RAF1: variants seen among roughly 807,000 people sequenced by gnomAD.
The protein encoded by RAF1 is Raf-1 proto-oncogene, serine/threonine kinase.
A neutral mutation model predicts 81.1 loss-of-function variants in RAF1; 27 were observed. The ratio of observed to expected loss-of-function variants is 0.33; its 90% CI spans 0.25 to 0.46. The LOEUF (loss-of-function observed/expected upper bound fraction) is 0.46. RAF1 is among the 20% of genes least tolerant of loss of function. RAF1 has a pLI of 1.00. For synonymous variants in RAF1, 298 were observed against 294.0 expected, an observed-to-expected ratio of 1.01 and a Z score of -0.14; for missense variants, 598 against 826.0, an observed-to-expected ratio of 0.72 and a Z score of 3.38.
In RAF1 at chr3:12,606,280, T is replaced by A. The variant is rs757700986; in HGVS notation, c.601A>T (p.Ile201Phe). The change falls in exon 6 of 18, where the codon ATT becomes TTT. Residue 201 changes from isoleucine to phenylalanine, a missense_variant. Coordinates refer to ENST00000442415, the MANE Select transcript of RAF1 (RefSeq NM_001354689.3). ...AGTGCTGGGACTCCACTATCACCAA[T>A]AGTGGAATTTGGAAACAATCTAAAC... is the stretch of plus-strand genomic sequence containing the variant. 6.2e-7 allele frequency: 1 copy of A among 1,613,026 alleles called. No homozygotes were observed. The highest frequency in any genetic ancestry group is 2.2e-5 in the East Asian group (1 of 44,860).
intron 11 of RAF1, among the ~76,000 whole-genome samples, chr3:12,594,224 G>A (rs1353123026): frequency 6.6e-6 from 1 of 152,130 alleles, no homozygotes; most frequent in Non-Finnish European, 1.5e-5. Flanking sequence ...ATCCTGTGAA[G>A]GTAAACTGAC....
intron 1 of RAF1, among the ~76,000 whole-genome samples, chr3:12,642,720 A>ACACACACACACACAC (rs2060231024): frequency 2.1e-5 from 3 of 145,396 alleles, no homozygotes; most frequent in African/African-American, 5.1e-5. Flanking sequence ...ACACACACAC[A>ACACACACACACACAC]AAATAGCTGC....
chr3:12,648,616 G>A (rs1167132226), intron 1 of RAF1, among the ~76,000 whole-genome samples: 1 of 152,104 alleles, frequency 6.6e-6, no homozygotes, highest in African/African-American at 2.4e-5. Context: ...GGATGTGGTG[G>A]TGCACACCTG....
At chr3:12,636,210 C>T (rs1197606597) in intron 1 of RAF1, among the ~76,000 whole-genome samples, 2 of 150,220 alleles carry the variant, frequency 1.3e-5, no homozygotes, top group African/African-American at 2.4e-5. Context: ...CCCTTGAACC[C>T]GGGAGGCAGA....
rs2058244354 is a variant in RAF1, at chr3:12,584,307, A to C, written c.*207T>G. 1.4e-5 allele frequency: 9 copies of C among 622,770 alleles called. No individual in the cohort carries two copies. The South Asian group carries it at 1.7e-4, about 12-fold the overall frequency. The allele number at this position is 622,770 out of a possible 1,614,324, so 38.6% of individuals were successfully genotyped here. A position where few individuals can be genotyped will look rare whatever the true frequency, so the allele number is the denominator to read the frequency against. On this transcript the variant is annotated 3_prime_UTR_variant, in exon 18 of 18. Coordinates refer to ENST00000442415, the MANE Select transcript of RAF1 (RefSeq NM_001354689.3). ...ATGTGGGGAGGGAGCAGGACACACCAGCACTGCAAATGGCTTCCTTCTCCC... is the reference window on the plus strand; with the variant it reads ...ATGTGGGGAGGGAGCAGGACACACCCGCACTGCAAATGGCTTCCTTCTCCC...
intron 16 of RAF1, 33 bp downstream of exon 15, chr3:12,585,089 G>T (rs765872629): frequency 1.9e-6 from 3 of 1,613,984 alleles, no homozygotes; most frequent in Admixed American, 1.7e-5. Flanking sequence ...GGGCTCCCAC[G>T]AGTTGGGTCC....
rs730881007 is a variant in RAF1 at position 12,584,548 on chromosome 3, G to T, written c.1973C>A (p.Thr658Lys). The change falls in exon 18 of 18, where the codon ACG (threonine) becomes AAG (lysine). Residue 658 changes from threonine to lysine, a missense_variant. Around this residue, in one of 5 missense-constraint regions of RAF1, gnomAD observed 147 missense variants for 196.1 expected, o/e 0.75. Coordinates refer to ENST00000442415, the MANE Select transcript of RAF1 (RefSeq NM_001354689.3). Reference sequence around the variant, plus strand: ...AGGCAGCCTCGGGGACGTGGTCAGCGTGCAAGCATTGATATCCTCAGTGTG... The same window carrying T: ...AGGCAGCCTCGGGGACGTGGTCAGCTTGCAAGCATTGATATCCTCAGTGTG... 1.2e-6 allele frequency: 2 copies of T among 1,614,172 alleles called. No homozygotes were observed. The highest frequency in any genetic ancestry group is 1.7e-6 in the Non-Finnish European group (2 of 1,180,038).
At chr3:12,592,652 G>A (rs1419078427) in intron 11 of RAF1, among the ~76,000 whole-genome samples, 1 of 150,670 alleles carries the variant, frequency 6.6e-6, no homozygotes, top group East Asian at 2.0e-4. Flanking sequence ...GTCAAGCACT[G>A]TAAAACCAGC....
At chr3:12,598,149 G>A (rs566085373) in intron 11 of RAF1, among the ~76,000 whole-genome samples, 1 of 151,296 alleles carries the variant, frequency 6.6e-6, no homozygotes, top group Non-Finnish European at 1.5e-5. Context: ...CTTCCAAGTA[G>A]CTGGGACTAC....
chr3:12,649,100 G>A (rs532656534), intron 1 of RAF1, among the ~76,000 whole-genome samples: 2 of 151,940 alleles, frequency 1.3e-5, no homozygotes, highest in African/African-American at 4.8e-5. Flanking sequence ...GGTAACAAGA[G>A]CAAAACTCAG....
chr3:12,584,367 A>T lies in RAF1; in HGVS notation c.*147T>A. On this transcript the variant is annotated 3_prime_UTR_variant, in exon 18 of 18. Transcript: ENST00000442415. ...AGGGATAGAAAAGAAGGCAACATGAAGTTAAGGCCCTGTGAGCAGTCTAGA... is the reference window on the plus strand; with the variant it reads ...AGGGATAGAAAAGAAGGCAACATGATGTTAAGGCCCTGTGAGCAGTCTAGA... 1.0e-6 allele frequency: 1 copy of T among 980,468 alleles called. No individual in the cohort carries two copies. Among genetic ancestry groups the T allele is most frequent in the Non-Finnish European group, 1.5e-6 (1 of 648,950 alleles). 60.7% of individuals were successfully genotyped at this position (980,468 alleles called of 1,614,324 possible).
intron 2 of RAF1, among the ~76,000 whole-genome samples, chr3:12,616,459 G>T (rs1013421069): frequency 6.6e-6 from 1 of 152,134 alleles, no homozygotes; most frequent in Non-Finnish European, 1.5e-5. Flanking sequence ...GAAGACCATT[G>T]TTCAGATATA....
chr3:12,611,910 T>C (rs1181558325), intron 3 of RAF1, 40 bp downstream of exon 3: 1 of 1,415,110 alleles, frequency 7.1e-7, no homozygotes, highest in Non-Finnish European at 1.0e-6. Context: ...TAGAAGATCC[T>C]TACTAGTCTG....
At chr3:12,606,137 TCAAG>T in intron 6 of RAF1, 60 bp downstream of exon 6, 1 of 1,277,214 alleles carries the variant, frequency 7.8e-7, no homozygotes. Flanking sequence ...TTTTTTGTCT[TCAAG>T]CTTCCAACCC....
rs560947860 is a variant in RAF1, at chr3:12,631,066, C to T, written c.-26-12319G>A. 2.0e-4 allele frequency among the ~76,000 whole-genome samples: 31 copies of T among 152,164 alleles called. 1 individual carries two copies. The Middle Eastern group carries it at 0.01, about 50-fold the overall frequency. ...CAGGCTCACTAACTCATGCCTCTAA[C>T]CCCAGCACTTTGAGAGGTCAAGGTG... On this transcript the variant is annotated intron_variant, in intron 1 of 17. Transcript: ENST00000442415.
At chr3:12,601,888 G>A (rs979359614) in intron 8 of RAF1, among the ~76,000 whole-genome samples, 1 of 152,196 alleles carries the variant, frequency 6.6e-6, no homozygotes, top group African/African-American at 2.4e-5. Context: ...GGGAATGTGA[G>A]AAGTCCAGGA....
intron 10 of RAF1, 82 bp downstream of exon 9, chr3:12,600,070 A>G (rs1198893776): frequency 3.8e-6 from 6 of 1,580,062 alleles, no homozygotes; most frequent in Non-Finnish European, 5.2e-6. Flanking sequence ...CTTCTCCCAA[A>G]ATAAGTTTAA....
At chr3:12,632,964 C>T (rs11721115) in intron 1 of RAF1, among the ~76,000 whole-genome samples, 5 of 152,184 alleles carry the variant, frequency 3.3e-5, no homozygotes, top group African/African-American at 1.2e-4. Flanking sequence ...ACTACACTTA[C>T]TGAATCCTTG....
intron 1 of RAF1, among the ~76,000 whole-genome samples, chr3:12,641,547 A>C (rs1317547623): frequency 1.4e-5 from 2 of 138,660 alleles, no homozygotes; most frequent in Non-Finnish European, 3.0e-5. Context: ...GCTAAAGTGT[A>C]GTGCCGCGAT....
Sources: allele counts gnomAD v4.1 joint callset (sites outside exome capture counted in the v4.1 genomes callset), GRCh38; gene constraint gnomAD v4.1.1; regional missense constraint gnomAD v4.1.1; transcripts MANE v1.5; gene names NCBI Gene and HGNC (gene_info 2026-07-23, HGNC 2026-07-21).